KCNQ5: variants seen among roughly 807,000 people sequenced by gnomAD.
The protein encoded by KCNQ5 is potassium voltage-gated channel subfamily KQT member 5.
In KCNQ5, 30 loss-of-function variants were observed where a neutral mutation model predicts 98.2. The observed-to-expected ratio is 0.31, with a 90% CI of 0.23 to 0.41. The LOEUF (loss-of-function observed/expected upper bound fraction) is 0.41. KCNQ5 is among the 10% of genes least tolerant of loss of function. The probability of loss-of-function intolerance (pLI) is 1.00; values close to 1 mark genes in which losing one functional copy is unlikely to be tolerated. For synonymous variants in KCNQ5, 458 were observed against 449.4 expected (o/e 1.02, Z -0.24); for missense variants, 835 against 1,182.5 (o/e 0.71, Z 4.31).
chr6:72,883,346 T>G (rs1778719021), intron 1 of KCNQ5, among the ~76,000 whole-genome samples: 1 of 152,264 alleles, frequency 6.6e-6, no homozygotes, highest in East Asian at 1.9e-4. Context: ...CTGGGTGTGC[T>G]GTCTTTGTAA....
intron 1 of KCNQ5, among the ~76,000 whole-genome samples, chr6:72,724,547 T>C (rs1376237416): frequency 1.3e-5 from 2 of 152,206 alleles, no homozygotes; most frequent in East Asian, 1.9e-4. Context: ...AAACTTTTTC[T>C]AGTAGCCCAG....
chr6:72,855,023 A>G (rs1304166180), intron 1 of KCNQ5, among the ~76,000 whole-genome samples: 2 of 152,030 alleles, frequency 1.3e-5, no homozygotes, highest in Non-Finnish European at 2.9e-5. Context: ...GCACTCACTC[A>G]TCAATGACCA....
chr6:72,625,133 C>T (rs2098917424), intron 1 of KCNQ5, among the ~76,000 whole-genome samples: 1 of 152,130 alleles, frequency 6.6e-6, no homozygotes, highest in Non-Finnish European at 1.5e-5. Flanking sequence ...CCAGTGTTTT[C>T]ACTGCCAAGA....
intron 10 of KCNQ5, among the ~76,000 whole-genome samples, chr6:73,165,507 G>A (rs1777760042): frequency 1.3e-5 from 2 of 152,164 alleles, no homozygotes; most frequent in Admixed American, 1.3e-4. Context: ...GGTGTGGCCT[G>A]GCCCAGCACA....
At chr6:73,151,963 C>G (rs1333747747) in intron 10 of KCNQ5, among the ~76,000 whole-genome samples, 1 of 152,152 alleles carries the variant, frequency 6.6e-6, no homozygotes, top group Admixed American at 6.5e-5. Context: ...GACCAATTTC[C>G]CTCTCCACCT....
chr6:72,622,389 C>A lies in KCNQ5; in HGVS notation c.200C>A (p.Thr67Lys). The part of the protein sequence containing the change: ...GLLLLGTRAA[T>K]LGGGGGGLRE... ...CTACTGCTGGGCACCCGCGCGGCCA[C>A]GCTCGGTGGCGGCGGCGGTGGCCTG... is the stretch of plus-strand genomic sequence containing the variant. Residue 67 changes from threonine (T) to lysine (K), a missense_variant, in exon 1 of 14, where the codon ACG (threonine) becomes AAG (lysine). Physicochemically the swap from Thr to Lys is moderately conservative, Grantham distance 78. Around this residue, in one of 10 missense-constraint regions of KCNQ5, gnomAD observed 21 missense variants for 43.9 expected, o/e 0.48. Coordinates refer to ENST00000370398, the MANE Select transcript of KCNQ5 (RefSeq NM_019842.4). This position sits in a 1 kb window ranked among gnomAD's most constrained non-coding sequence, Gnocchi z 6.0. 6.8e-7 allele frequency: 1 copy of A among 1,478,918 alleles called. No individual in the cohort carries two copies. The highest frequency in any genetic ancestry group is 9.0e-7 in the Non-Finnish European group (1 of 1,114,820). The allele number at this position is 1,478,918 out of a possible 1,614,324, so 91.6% of individuals were successfully genotyped here. A position where few individuals can be genotyped will look rare whatever the true frequency, so the allele number is the denominator to read the frequency against.
At chr6:72,943,918 A>G (rs926968239) in intron 1 of KCNQ5, among the ~76,000 whole-genome samples, 2 of 152,260 alleles carry the variant, frequency 1.3e-5, no homozygotes, top group African/African-American at 2.4e-5. Flanking sequence ...CAACAGCTGT[A>G]TAAGGCAGAA....
chr6:72,746,064 C>CAAAAAAAAAAAAAAAAAAAA (rs59726566), intron 1 of KCNQ5, among the ~76,000 whole-genome samples: 3 of 80,146 alleles, frequency 3.7e-5, no homozygotes, highest in African/African-American at 1.0e-4. Flanking sequence ...ACTCTATTTG[C>CAAAAAAAAAAAAAAAAAAAA]AAAAAAAAAA....
chr6:72,927,700 A>G (rs1765494080), intron 1 of KCNQ5, among the ~76,000 whole-genome samples: 1 of 152,082 alleles, frequency 6.6e-6, no homozygotes, highest in Non-Finnish European at 1.5e-5. Flanking sequence ...TTTCTTTAAC[A>G]TTACATACTT....
chr6:72,653,769 G>A (rs745870373), intron 1 of KCNQ5, among the ~76,000 whole-genome samples: 2 of 152,044 alleles, frequency 1.3e-5, no homozygotes, highest in South Asian at 4.1e-4. Flanking sequence ...ATATTTATTA[G>A]AGAAACTGTT....
intron 10 of KCNQ5, among the ~76,000 whole-genome samples, chr6:73,140,700 C>T (rs534697268): frequency 1.3e-5 from 2 of 152,154 alleles, no homozygotes; most frequent in Admixed American, 6.5e-5. Flanking sequence ...CTATATTCAG[C>T]GTAATTGTTG....
At chr6:72,906,795 G>A (rs1251571705) in intron 1 of KCNQ5, among the ~76,000 whole-genome samples, 2 of 152,206 alleles carry the variant, frequency 1.3e-5, no homozygotes, top group Non-Finnish European at 2.9e-5. Context: ...CAGAGGGTCT[G>A]TGGGTCCTTT....
At chr6:73,022,043 A>G (rs1238060456) in intron 2 of KCNQ5, among the ~76,000 whole-genome samples, 2 of 152,204 alleles carry the variant, frequency 1.3e-5, no homozygotes, top group Non-Finnish European at 2.9e-5. Flanking sequence ...TAATAGTATA[A>G]CATGAGTCTG....
At chr6:72,744,654 T>C (rs1252045873) in intron 1 of KCNQ5, among the ~76,000 whole-genome samples, 1 of 151,752 alleles carries the variant, frequency 6.6e-6, no homozygotes, top group Non-Finnish European at 1.5e-5. Context: ...CTACTAAAAA[T>C]ACAAAAATTA....
At chr6:73,103,333 T>C (rs959647390) in intron 5 of KCNQ5, among the ~76,000 whole-genome samples, 11 of 152,236 alleles carry the variant, frequency 7.2e-5, no homozygotes, top group Non-Finnish European at 1.5e-4. Flanking sequence ...GTGTCCTTTG[T>C]AGGGACATGG....
intron 1 of KCNQ5, among the ~76,000 whole-genome samples, chr6:72,670,904 G>A (rs572413675): frequency 1.2e-4 from 19 of 152,244 alleles, no homozygotes; most frequent in Admixed American, 4.6e-4. Context: ...CTGTAGACCC[G>A]GTAGGGTCTT....
At chr6:73,013,034 A>C (rs775859632) in intron 2 of KCNQ5, among the ~76,000 whole-genome samples, 1 of 152,084 alleles carries the variant, frequency 6.6e-6, no homozygotes, top group Non-Finnish European at 1.5e-5. Context: ...GGACACAAGT[A>C]CAGGTGAACT....
intron 1 of KCNQ5, among the ~76,000 whole-genome samples, chr6:72,814,647 T>G (rs955772654): frequency 2.6e-5 from 4 of 152,206 alleles, no homozygotes; most frequent in African/African-American, 9.6e-5. Context: ...TGGCAGTAAA[T>G]TAATTTTTTA....
At chr6:73,067,921 G>A (rs185395863) in intron 3 of KCNQ5, among the ~76,000 whole-genome samples, 23 of 147,744 alleles carry the variant, frequency 1.6e-4, no homozygotes, top group East Asian at 1.4e-3. Flanking sequence ...AAATTTGTAT[G>A]GAATCTTACC....
Sources: allele counts gnomAD v4.1 joint callset (sites outside exome capture counted in the v4.1 genomes callset), GRCh38; gene constraint gnomAD v4.1.1; regional missense constraint gnomAD v4.1.1; non-coding constraint Gnocchi (gnomAD v3.1); transcripts MANE v1.5; gene names NCBI Gene and HGNC (gene_info 2026-07-23, HGNC 2026-07-21).